The following DENND4C variants were observed in gnomAD, a reference collection of about 807,000 sequenced individuals.
DENND4C encodes the protein DENN domain-containing protein 4C.
Under a neutral mutation model 203.0 loss-of-function variants are expected in DENND4C, and 108 were observed. That is an observed-to-expected ratio of 0.53 (90% CI 0.46 to 0.62). DENND4C has a LOEUF of 0.62. Ranked by LOEUF, DENND4C falls within the 20% of genes least tolerant of loss-of-function variation. The pLI, the probability that DENND4C is intolerant of heterozygous loss-of-function variation, is 0.00. For synonymous variants in DENND4C, 871 were observed against 792.4 expected, an observed-to-expected ratio of 1.10 and a Z score of -1.67; for missense variants, 2,481 against 2,301.2, an observed-to-expected ratio of 1.08 and a Z score of -1.60.
chr9:19,313,337 T>G (rs1841120857), intron 10 of DENND4C, among the ~76,000 whole-genome samples: 1 of 152,210 alleles, frequency 6.6e-6, no homozygotes, highest in Admixed American at 6.5e-5. Context: ...GAAATGTAGT[T>G]CATCTACCCA....
intron 9 of DENND4C, among the ~76,000 whole-genome samples, chr9:19,301,688 C>G (rs926872454): frequency 6.6e-6 from 1 of 152,194 alleles, no homozygotes; most frequent in Non-Finnish European, 1.5e-5. Flanking sequence ...CCTGTAATCC[C>G]AGCACTTTGG....
At chr9:19,371,729 G>A (rs1828870310) in intron 31 of DENND4C, 27 bp from the exon 32 acceptor site, 1 of 1,217,712 alleles carries the variant, frequency 8.2e-7, no homozygotes, top group Non-Finnish European at 1.2e-6. Context: ...TTTGCCCATT[G>A]ACTTTTAAAA....
In DENND4C at chr9:19,346,601, G is replaced by A; in HGVS notation, c.3832G>A (p.Ala1278Thr). ...AGATAAGTTGTTTTCTCCAGTTATT[G>A]CACGTAATCTGGCTGATGAAATAGA... ...SEDKLFSPVIARNLADEIESY... is the reference protein window; with the variant it reads ...SEDKLFSPVITRNLADEIESY... Residue 1278 changes from alanine to threonine, a missense_variant, in exon 23 of 33, where the codon GCA becomes ACA. Around this residue, in one of 3 missense-constraint regions of DENND4C, gnomAD observed 2,289 missense variants for 2,113.3 expected, o/e 1.08. Transcript: ENST00000434457. 1 of 1,614,148 alleles carries A rather than the reference G, an allele frequency of 6.2e-7. No individual in the cohort carries two copies. Among genetic ancestry groups the A allele is most frequent in the Non-Finnish European group, 8.5e-7 (1 of 1,180,030 alleles).
chr9:19,287,304 C>T (rs1430666019), intron 3 of DENND4C, among the ~76,000 whole-genome samples: 1 of 152,184 alleles, frequency 6.6e-6, no homozygotes, highest in East Asian at 1.9e-4. Flanking sequence ...GTGGTGTCTT[C>T]AGGGACAACT....
At position 19,286,772 on chromosome 9, in the gene DENND4C, T is replaced by G. The variant is rs2131097531; in HGVS notation, c.309T>G (p.Val103=). 1.6e-6 allele frequency: 2 copies of G among 1,232,124 alleles called. No individual in the cohort carries two copies. Among genetic ancestry groups the G allele is most frequent in the Non-Finnish European group, 2.0e-6 (2 of 987,960 alleles). The allele number at this position is 1,232,124 out of a possible 1,614,324, so 76.3% of individuals were successfully genotyped here. A position where few individuals can be genotyped will look rare whatever the true frequency, so the allele number is the denominator to read the frequency against. The change falls in exon 3 of 33, where the codon GTT becomes GTG. Residue 103 remains valine, a synonymous_variant. Coordinates refer to ENST00000434457, the MANE Select transcript of DENND4C (RefSeq NM_001330640.2). The part of the protein sequence containing the change: ...RDKPPLTDIG[V]LYEGKERLIP... ...TCTTCCCCTTCCTGCCATGCAGAGT[T>G]CTATATGAAGGGAAAGAACGGCTTA... is the stretch of plus-strand genomic sequence containing the variant.
chr9:19,317,746 T>C (rs191656833), intron 12 of DENND4C, among the ~76,000 whole-genome samples: 30 of 152,322 alleles, frequency 2.0e-4, no homozygotes, highest in Admixed American at 1.1e-3. Flanking sequence ...TTAAGATATT[T>C]TAAAAATAGA....
chr9:19,235,935 T>A (rs1821862445), intron 1 of DENND4C, among the ~76,000 whole-genome samples: 1 of 152,040 alleles, frequency 6.6e-6, no homozygotes, highest in Non-Finnish European at 1.5e-5. Context: ...ATATTTTAAT[T>A]TGTTTTTGTA....
intron 1 of DENND4C, among the ~76,000 whole-genome samples, chr9:19,269,947 C>T (rs1384517208): frequency 1.3e-5 from 2 of 152,136 alleles, no homozygotes; most frequent in Middle Eastern, 3.2e-3. Context: ...TGATCTAAGT[C>T]CTTGGTCTCT....
At position 19,262,418 on chromosome 9, in the gene DENND4C, A is replaced by G. The variant is rs530845027; in HGVS notation, c.-17-13740A>G. ...TATTAGTTTTCATAGTTTTTGGTGG[A>G]GTCTTTACATTTTTCCAAATATATC... On this transcript the variant is annotated intron_variant, in intron 1 of 32. Coordinates refer to ENST00000434457, the MANE Select transcript of DENND4C (RefSeq NM_001330640.2). 6.2e-5 allele frequency among the ~76,000 whole-genome samples: 9 copies of G among 144,120 alleles called. No homozygotes were observed. In the South Asian group the frequency reaches 1.7e-3, roughly 28 times the overall value. 94.5% of individuals were successfully genotyped at this position (144,120 alleles called of 152,430 possible).
At chr9:19,262,099 T>C (rs1829517178) in intron 1 of DENND4C, among the ~76,000 whole-genome samples, 1 of 140,136 alleles carries the variant, frequency 7.1e-6, no homozygotes, top group Admixed American at 7.2e-5. Context: ...TTTTTTTTTT[T>C]TTTTTTGAGA....
intron 5 of DENND4C, 71 bp downstream of exon 5, chr9:19,290,947 T>A: frequency 7.1e-7 from 1 of 1,416,632 alleles, no homozygotes; most frequent in Non-Finnish European, 9.7e-7. Flanking sequence ...TAATACAAGT[T>A]TTATTTGAAT....
At chr9:19,285,566 G>A (rs956029963) in intron 2 of DENND4C, among the ~76,000 whole-genome samples, 1 of 131,314 alleles carries the variant, frequency 7.6e-6, no homozygotes, top group African/African-American at 2.7e-5. Flanking sequence ...ACTGTATGTG[G>A]TCTTTGTGAC....
At chr9:19,299,512 A>T (rs1467266203) in intron 8 of DENND4C, among the ~76,000 whole-genome samples, 2 of 152,224 alleles carry the variant, frequency 1.3e-5, no homozygotes, top group Middle Eastern at 3.4e-3. Flanking sequence ...GCAAGATTGG[A>T]TGTAGAGGAT....
In DENND4C at chr9:19,299,300, A is replaced by G. The variant is rs770060373; in HGVS notation, c.1166+13A>G. 1.3e-6 allele frequency: 2 copies of G among 1,522,828 alleles called. No homozygotes were observed. Among genetic ancestry groups the G allele is most frequent in the East Asian group, 4.6e-5 (2 of 43,260 alleles). 94.3% of individuals were successfully genotyped at this position (1,522,828 alleles called of 1,614,324 possible). A position where few individuals can be genotyped will look rare whatever the true frequency, so the allele number is the denominator to read the frequency against. On this transcript the variant is annotated intron_variant, in intron 8 of 32. Transcript: ENST00000434457. ...CTTTACCACTAAGGTAATTACTGGT[A>G]TTTAAAATGATATATTTATTCAGTT...
At chr9:19,320,290 C>A (rs1842665156) in intron 12 of DENND4C, among the ~76,000 whole-genome samples, 1 of 151,912 alleles carries the variant, frequency 6.6e-6, no homozygotes, top group African/African-American at 2.4e-5. Flanking sequence ...CCTCTGCCTC[C>A]CAGGCTCAAG....
intron 23 of DENND4C, among the ~76,000 whole-genome samples, chr9:19,350,339 A>G (rs1823812191): frequency 6.6e-6 from 1 of 152,254 alleles, no homozygotes; most frequent in African/African-American, 2.4e-5. Context: ...GAACAAGGTC[A>G]CAATCTGGCT....
intron 5 of DENND4C, among the ~76,000 whole-genome samples, chr9:19,292,745 C>T (rs1240045463): frequency 1.3e-5 from 2 of 151,858 alleles, no homozygotes; most frequent in Admixed American, 6.6e-5. Context: ...GGGGTTTCAC[C>T]ATGTTGGCCA....
chr9:19,248,200 C>T (rs1825734926), intron 1 of DENND4C, among the ~76,000 whole-genome samples: 1 of 152,186 alleles, frequency 6.6e-6, no homozygotes, highest in East Asian at 1.9e-4. Flanking sequence ...TTCTTTTCTC[C>T]TTCACTGACC....
At chr9:19,238,322 T>A (rs1197758458) in intron 1 of DENND4C, among the ~76,000 whole-genome samples, 1 of 151,890 alleles carries the variant, frequency 6.6e-6, no homozygotes, top group Non-Finnish European at 1.5e-5. Context: ...TCTCAGGTGA[T>A]CTGCCGGCCT....
Sources: gnomAD v4.1 joint callset for allele counts (sites outside exome capture counted in the v4.1 genomes callset) on GRCh38, gnomAD v4.1.1 for gene constraint, gnomAD v4.1.1 regional missense constraint, MANE v1.5 for transcripts, NCBI Gene and HGNC (gene_info 2026-07-23, HGNC 2026-07-21) for gene names.